Variants in STXBP5 observed in about 807,000 individuals in gnomAD.
The protein encoded by STXBP5 is syntaxin binding protein 5.
STXBP5 carries 50 observed loss-of-function variants against 152.4 expected under a neutral mutation model. The observed-to-expected ratio is 0.33, with a 90% CI of 0.26 to 0.42. STXBP5 has a LOEUF of 0.42. STXBP5 is among the 10% of genes least tolerant of loss of function. The probability of loss-of-function intolerance (pLI) is 1.00; values close to 1 mark genes in which losing one functional copy is unlikely to be tolerated. For synonymous variants in STXBP5, 492 were observed against 494.7 expected, an observed-to-expected ratio of 0.99 and a Z score of 0.07; for missense variants, 1,167 against 1,388.6, an observed-to-expected ratio of 0.84 and a Z score of 2.54.
rs1054798615 is a variant in STXBP5, at chr6:147,248,802, T to C, written c.431+9532T>C. On this transcript the variant is annotated intron_variant, in intron 4 of 27. Coordinates refer to ENST00000321680, the MANE Select transcript of STXBP5 (RefSeq NM_001127715.4). ...AGATGTATTTCAGTTCCCAAATTAG[T>C]TGACCTTAAAATACGAAGATGATCC... 1.1e-4 allele frequency among the ~76,000 whole-genome samples: 16 copies of C among 152,196 alleles called. 1 individual carries two copies. The highest frequency in any genetic ancestry group is 1.2e-4 in the Non-Finnish European group (8 of 68,032).
Position 147,390,036 on chromosome 6 carries a change from A to C in STXBP5, c.*5281A>C, listed in dbSNP as rs1435965757. 1 of 151,940 alleles carries C rather than the reference A, an allele frequency of 6.6e-6. No individual in the cohort carries two copies. The highest frequency in any genetic ancestry group is 2.4e-5 in the African/African-American group (1 of 41,418). 9.4% of individuals were successfully genotyped at this position (151,940 alleles called of 1,614,324 possible). A position where few individuals can be genotyped will look rare whatever the true frequency, so the allele number is the denominator to read the frequency against. On this transcript the variant is annotated 3_prime_UTR_variant, in exon 28 of 28. Coordinates refer to ENST00000321680, the MANE Select transcript of STXBP5 (RefSeq NM_001127715.4). ...TCAGGGGCAAGCATGCTTGGTATAG[A>C]GCTCTAGCTTGTGTATACCTTAAAC...
chr6:147,208,922 C>T (rs1322511658), intron 2 of STXBP5, among the ~76,000 whole-genome samples: 2 of 152,162 alleles, frequency 1.3e-5, no homozygotes, highest in Non-Finnish European at 2.9e-5. Flanking sequence ...GTATTTACTA[C>T]ATTAATGTAT....
At chr6:147,325,951 A>G (rs1459169802) in intron 17 of STXBP5, among the ~76,000 whole-genome samples, 2 of 152,192 alleles carry the variant, frequency 1.3e-5, no homozygotes, top group Non-Finnish European at 2.9e-5. Context: ...TAGCATTTCC[A>G]TTGTATTAGG....
intron 2 of STXBP5, among the ~76,000 whole-genome samples, chr6:147,212,567 G>A (rs1019653457): frequency 6.6e-6 from 1 of 152,152 alleles, no homozygotes; most frequent in Admixed American, 6.5e-5. Context: ...TTGGACCTTA[G>A]AATTTCTTTT....
At chr6:147,273,783 C>G (rs985068321) in intron 7 of STXBP5, among the ~76,000 whole-genome samples, 2 of 151,988 alleles carry the variant, frequency 1.3e-5, no homozygotes, top group African/African-American at 4.8e-5. Flanking sequence ...AACCCCATCT[C>G]TACTAAAAAT....
intron 2 of STXBP5, among the ~76,000 whole-genome samples, chr6:147,227,178 A>G (rs1777761564): frequency 6.6e-6 from 1 of 152,166 alleles, no homozygotes; most frequent in South Asian, 2.1e-4. Context: ...GGTATAAGTC[A>G]GTTAGAGGGA....
chr6:147,271,503 G>A (rs1780168323), intron 7 of STXBP5, among the ~76,000 whole-genome samples: 1 of 151,804 alleles, frequency 6.6e-6, no homozygotes, highest in South Asian at 2.1e-4. Context: ...TTATATAGAT[G>A]GAAAATCTAT....
At chr6:147,241,745 G>A (rs537526190) in intron 4 of STXBP5, among the ~76,000 whole-genome samples, 1 of 150,722 alleles carries the variant, frequency 6.6e-6, no homozygotes, top group East Asian at 2.0e-4. Flanking sequence ...TATAGATTAG[G>A]GATGTTATAG....
chr6:147,339,766 G>GC (rs1183087627), intron 21 of STXBP5, among the ~76,000 whole-genome samples: 11 of 151,692 alleles, frequency 7.3e-5, no homozygotes, highest in Admixed American at 1.3e-4. Context: ...TATTTTCAAG[G>GC]CCCCGTATTT....
In STXBP5 at chr6:147,204,593, T is replaced by C; in HGVS notation, c.61T>C (p.Ser21Pro). ...DGLTAGSSSA[S>P]QQQQQQHPPG... Reference sequence around the variant, plus strand: ...CCTGACCGCCGGCTCGTCCTCGGCGTCGCAGCAGCAACAGCAGCAGCATCC... The same window carrying C: ...CCTGACCGCCGGCTCGTCCTCGGCGCCGCAGCAGCAACAGCAGCAGCATCC... Residue 21 changes from serine (S) to proline (P), a missense_variant, in exon 1 of 28, where the codon TCG (serine) becomes CCG (proline). Ser to Pro is a moderately conservative substitution (Grantham distance 74). This residue lies in a region of STXBP5 where 310 missense variants were observed against 346.1 expected (regional missense o/e 0.90). Coordinates refer to ENST00000321680, the MANE Select transcript of STXBP5 (RefSeq NM_001127715.4). This position sits in a 1 kb window ranked among gnomAD's most constrained non-coding sequence, Gnocchi z 4.3. 6.2e-7 allele frequency: 1 copy of C among 1,609,096 alleles called. No individual in the cohort carries two copies. The highest frequency in any genetic ancestry group is 8.5e-7 in the Non-Finnish European group (1 of 1,178,008).
At chr6:147,309,831 A>G (rs1582923456) in intron 9 of STXBP5, among the ~76,000 whole-genome samples, 1 of 152,168 alleles carries the variant, frequency 6.6e-6, no homozygotes, top group Admixed American at 6.5e-5. Flanking sequence ...AATTTTATTT[A>G]GGAGATAAAG....
At chr6:147,234,993 T>C (rs1356496866) in intron 2 of STXBP5, among the ~76,000 whole-genome samples, 1 of 152,086 alleles carries the variant, frequency 6.6e-6, no homozygotes, top group Non-Finnish European at 1.5e-5. Context: ...CTATATATTA[T>C]CTTGTTTTAA....
chr6:147,280,018 AGAGT>A (rs1287657222), intron 8 of STXBP5, among the ~76,000 whole-genome samples: 6 of 151,548 alleles, frequency 4.0e-5, no homozygotes, highest in Non-Finnish European at 7.4e-5. Flanking sequence ...GATCTGTTTG[AGAGT>A]AAGTTGTCAA....
At chr6:147,285,418 A>G (rs142673199) in intron 8 of STXBP5, among the ~76,000 whole-genome samples, 5 of 152,246 alleles carry the variant, frequency 3.3e-5, no homozygotes, top group African/African-American at 1.2e-4. Context: ...CTAGACCATA[A>G]GCAGTAATCA....
At chr6:147,230,733 C>T (rs1582815320) in intron 2 of STXBP5, among the ~76,000 whole-genome samples, 2 of 151,516 alleles carry the variant, frequency 1.3e-5, no homozygotes, top group East Asian at 3.9e-4. Context: ...ACTGTGGGTT[C>T]TGGAATTACA....
At chr6:147,220,008 A>T (rs939076716) in intron 2 of STXBP5, among the ~76,000 whole-genome samples, 2 of 151,576 alleles carry the variant, frequency 1.3e-5, no homozygotes, top group Admixed American at 1.3e-4. Flanking sequence ...ATATATATGA[A>T]TTCAATGCTA....
At chr6:147,245,236 T>C (rs1285331603) in intron 4 of STXBP5, among the ~76,000 whole-genome samples, 1 of 151,906 alleles carries the variant, frequency 6.6e-6, no homozygotes, top group Non-Finnish European at 1.5e-5. Context: ...ACCATATAAT[T>C]GAGGAGGGCA....
chr6:147,251,511 G>A (rs1012806051), intron 4 of STXBP5, among the ~76,000 whole-genome samples: 7 of 152,120 alleles, frequency 4.6e-5, no homozygotes, highest in East Asian at 1.9e-4. Flanking sequence ...ATCCCACCCC[G>A]ACAGAGCCCA....
At chr6:147,295,388 C>G (rs1037277601) in intron 9 of STXBP5, among the ~76,000 whole-genome samples, 2 of 152,098 alleles carry the variant, frequency 1.3e-5, no homozygotes, top group African/African-American at 4.8e-5. Flanking sequence ...AACCTAAAAG[C>G]GAATATTGGG....
Sources: gnomAD v4.1 joint callset for allele counts (sites outside exome capture counted in the v4.1 genomes callset) on GRCh38, gnomAD v4.1.1 for gene constraint, gnomAD v4.1.1 regional missense constraint, Gnocchi (gnomAD v3.1) non-coding constraint, MANE v1.5 for transcripts, NCBI Gene and HGNC (gene_info 2026-07-23, HGNC 2026-07-21) for gene names.